The following PLD4 variants were observed in gnomAD, a reference collection of about 807,000 sequenced individuals.
PLD4 encodes the protein phospholipase D family member 4, also known as 5'-3' exonuclease PLD4.
In PLD4, 54 loss-of-function variants were observed where a neutral mutation model predicts 52.3. The observed-to-expected ratio is 1.03, with a 90% CI of 0.83 to 1.30. The LOEUF (loss-of-function observed/expected upper bound fraction) is 1.30, where lower values mean the gene tolerates loss of function less well. PLD4 is among the 50% of genes most tolerant of loss of function. The pLI is 0.00. For synonymous variants in PLD4, 264 were observed against 286.5 expected, an observed-to-expected ratio of 0.92 and a Z score of 0.79; for missense variants, 731 against 671.1, an observed-to-expected ratio of 1.09 and a Z score of -0.99.
chr14:104,930,950 G>A lies in PLD4; in HGVS notation c.918+8G>A, dbSNP rs763491014. ...ACCACTGCCTACTTCTCAGTAAGAC[G>A]GGTTGAGAAGGAGCCCATCAGAGGC... On this transcript the variant is annotated splice_region_variant and intron_variant, in intron 7 of 10. Transcript: ENST00000392593. The A allele has an allele frequency of 7.4e-6, 12 of 1,611,612 alleles. No individual in the cohort carries two copies. The highest frequency in any genetic ancestry group is 5.0e-5 in the Admixed American group (3 of 60,000).
chr14:104,929,878 A>G (rs1897582171), intron 5 of PLD4, 100 bp from the exon 6 acceptor site: 1 of 1,400,892 alleles, frequency 7.1e-7, no homozygotes, highest in Admixed American at 1.9e-5. Flanking sequence ...TTGTGAGGAC[A>G]TCTGAGTCAA....
intron 6 of PLD4, 39 bp from the exon 7 acceptor site, chr14:104,930,703 G>C: frequency 6.2e-7 from 1 of 1,607,594 alleles, no homozygotes; most frequent in Non-Finnish European, 8.5e-7. Context: ...CCCCACAGAG[G>C]GGTTTTTCTC....
Position 104,927,718 on chromosome 14 carries a change from G to A in PLD4, c.136G>A (p.Ala46Thr). The stretch of plus-strand genomic sequence containing the variant: ...GGCTGTGCTGTGGCTGGGCTCCGTG[G>A]CTCTTATCTGCCTCCTGTGGCAAGT... ...ALAVLWLGSV[A>T]LICLLWQVPR... The change falls in exon 3 of 11, where the codon GCT becomes ACT. Residue 46 changes from alanine (A) to threonine (T), a missense_variant. Physicochemically the swap from Ala to Thr is moderately conservative, Grantham distance 58. Transcript: ENST00000392593. The A allele has an allele frequency of 6.3e-7, 1 of 1,597,618 alleles. No individual in the cohort carries two copies. The highest frequency in any genetic ancestry group is 8.5e-7 in the Non-Finnish European group (1 of 1,175,914).
In PLD4 at chr14:104,929,341, T is replaced by A; in HGVS notation, c.503T>A (p.Leu168Gln). The change falls in exon 5 of 11, where the codon CTG becomes CAG. Residue 168 changes from leucine (L) to glutamine (Q), a missense_variant. Transcript: ENST00000392593. Reference sequence around the variant, plus strand: ...CTTCTGCAGAAGCTGCAGCAGCTGCTGGGCAGGAACATTTCCCTGGCTGTG... The same window carrying A: ...CTTCTGCAGAAGCTGCAGCAGCTGCAGGGCAGGAACATTTCCCTGGCTGTG... ...EALLQKLQQLLGRNISLAVAT... is the reference protein window; with the variant it reads ...EALLQKLQQLQGRNISLAVAT... 1 of 1,575,882 alleles carries A rather than the reference T, an allele frequency of 6.3e-7. No homozygotes were observed. The highest frequency in any genetic ancestry group is 8.6e-7 in the Non-Finnish European group (1 of 1,161,140).
At position 104,931,770 on chromosome 14, in the gene PLD4, C is replaced by A; in HGVS notation, c.941C>A (p.Pro314His). The change falls in exon 8 of 11, where the codon CCC becomes CAC. Residue 314 changes from proline (P) to histidine (H), a missense_variant. Physicochemically the swap from Pro to His is moderately conservative, Grantham distance 77 (BLOSUM62 -2). Coordinates refer to ENST00000392593, the MANE Select transcript of PLD4 (RefSeq NM_138790.5). ...YFSASPPALC[P>H]QGRTRDLEAL... is the part of the protein sequence containing the mutation. ...CAGGCGTCGCCACCAGCACTCTGTCCCCAGGGCCGCACCCGGGACCTGGAG... is the reference window on the plus strand; with the variant it reads ...CAGGCGTCGCCACCAGCACTCTGTCACCAGGGCCGCACCCGGGACCTGGAG... The A allele has an allele frequency of 6.3e-7, 1 of 1,588,106 alleles. No individual in the cohort carries two copies. Among genetic ancestry groups the A allele is most frequent in the Admixed American group, 1.8e-5 (1 of 57,036 alleles).
intron 3 of PLD4, among the ~76,000 whole-genome samples, chr14:104,928,353 C>T (rs1353588750): frequency 6.6e-6 from 1 of 152,190 alleles, no homozygotes; most frequent in Non-Finnish European, 1.5e-5. Context: ...CAAGGGCTTC[C>T]ACACCACGAG....
Position 104,932,329 on chromosome 14 carries a change from T to C in PLD4, c.1295T>C (p.Met432Thr). Residue 432 changes from methionine to threonine, a missense_variant, in exon 10 of 11, where the codon ATG becomes ACG. Physicochemically the swap from Met to Thr is moderately conservative, Grantham distance 81 (BLOSUM62 -1). Coordinates refer to ENST00000392593, the MANE Select transcript of PLD4 (RefSeq NM_138790.5). This position sits in a 1 kb window ranked among gnomAD's most constrained non-coding sequence, Gnocchi z 6.5. ...AGCAGGGTGAACCACAGCAAGTTCA[T>C]GGTCACGGAGAAGGCAGCCTACATA... The part of the protein sequence containing the change: ...PFSRVNHSKF[M>T]VTEKAAYIGT... 6.2e-7 allele frequency: 1 copy of C among 1,612,646 alleles called. No individual in the cohort carries two copies. The highest frequency in any genetic ancestry group is 8.5e-7 in the Non-Finnish European group (1 of 1,179,836).
rs942460328 is a variant in PLD4 at position 104,933,065 on chromosome 14, C to G, written c.*101C>G. 59 of 1,334,354 alleles carry G rather than the reference C, an allele frequency of 4.4e-5. No individual in the cohort carries two copies. The African/African-American group carries it at 8.2e-4, about 19-fold the overall frequency. 82.7% of individuals were successfully genotyped at this position (1,334,354 alleles called of 1,614,324 possible). A position where few individuals can be genotyped will look rare whatever the true frequency, so the allele number is the denominator to read the frequency against. On this transcript the variant is annotated 3_prime_UTR_variant, in exon 11 of 11. Coordinates refer to ENST00000392593, the MANE Select transcript of PLD4 (RefSeq NM_138790.5). Reference sequence around the variant, plus strand: ...CTTCCTCCCGCAAGCAGCCCGGGTCCGCACTGCGCCAGGAGCCGCCTGCGA... The same window carrying G: ...CTTCCTCCCGCAAGCAGCCCGGGTCGGCACTGCGCCAGGAGCCGCCTGCGA...
chr14:104,926,114 G>A (rs1167463191), intron 1 of PLD4, among the ~76,000 whole-genome samples: 3 of 152,100 alleles, frequency 2.0e-5, no homozygotes, highest in Non-Finnish European at 2.9e-5. Flanking sequence ...CCGACCCACC[G>A]AGCCCTGGGT....
chr14:104,926,674 A>C (rs1897466492), intron 1 of PLD4, among the ~76,000 whole-genome samples: 1 of 152,218 alleles, frequency 6.6e-6, no homozygotes, highest in Non-Finnish European at 1.5e-5. Context: ...GGCCAGCAAT[A>C]AGAGGACCAA....
At chr14:104,929,046 G>A (rs919943820) in intron 4 of PLD4, 114 bp downstream of exon 4, 9 of 1,361,408 alleles carry the variant, frequency 6.6e-6, no homozygotes, top group Middle Eastern at 2.6e-4. Flanking sequence ...TGGTGGTAGG[G>A]TCTAGCATGG....
intron 2 of PLD4, 142 bp from the exon 3 acceptor site, chr14:104,927,531 T>C: frequency 1.0e-6 from 1 of 953,626 alleles, no homozygotes; most frequent in Non-Finnish European, 1.5e-6. Context: ...CTCTCCCTTG[T>C]CCACCCTAGT....
In PLD4 at chr14:104,930,077, C is replaced by T. The variant is rs577826956; in HGVS notation, c.689C>T (p.Ala230Val). ...VDGRHIYMGS[A>V]NMDWRSLTQV... ...GGACGGCACATATACATGGGCAGTGCCAACATGGACTGGCGGTCTCTGACG... is the reference window on the plus strand; with the variant it reads ...GGACGGCACATATACATGGGCAGTGTCAACATGGACTGGCGGTCTCTGACG... Residue 230 changes from alanine (A) to valine (V), a missense_variant, in exon 6 of 11, where the codon GCC becomes GTC. Physicochemically the swap from Ala to Val is moderately conservative, Grantham distance 64 (BLOSUM62 0). Coordinates refer to ENST00000392593, the MANE Select transcript of PLD4 (RefSeq NM_138790.5). 1 of 1,613,542 alleles carries T rather than the reference C, an allele frequency of 6.2e-7. No homozygotes were observed. The highest frequency in any genetic ancestry group is 1.3e-5 in the African/African-American group (1 of 75,060).
chr14:104,935,074 C>G (rs1481724187), downstream of PLD4: 1 of 152,252 alleles, frequency 6.6e-6, no homozygotes. Context: ...CTTCCTATCC[C>G]TCATTCATGC....
At chr14:104,925,962 C>T (rs552888712) in intron 1 of PLD4, among the ~76,000 whole-genome samples, 2 of 152,160 alleles carry the variant, frequency 1.3e-5, no homozygotes, top group South Asian at 2.1e-4. Flanking sequence ...AGTCCAGGCC[C>T]GACTCCTGTG....
chr14:104,932,102 G>A lies in PLD4; in HGVS notation c.1149G>A (p.Thr383=). 4.3e-6 allele frequency: 7 copies of A among 1,610,854 alleles called. No individual in the cohort carries two copies. Among genetic ancestry groups the A allele is most frequent in the East Asian group, 2.2e-5 (1 of 44,846 alleles). ...VRLLVGCGLN[T]DPTMFPYLRS... Reference sequence around the variant, plus strand: ...TGCTGGTCGGCTGCGGACTCAACACGGACCCCACCATGTTCCCCTACCTGC... The same window carrying A: ...TGCTGGTCGGCTGCGGACTCAACACAGACCCCACCATGTTCCCCTACCTGC... Residue 383 remains threonine (T), a synonymous_variant, in exon 9 of 11, where the codon ACG becomes ACA. Coordinates refer to ENST00000392593, the MANE Select transcript of PLD4 (RefSeq NM_138790.5). This position sits in a 1 kb window ranked among gnomAD's most constrained non-coding sequence, Gnocchi z 6.5.
intron 1 of PLD4, among the ~76,000 whole-genome samples, chr14:104,926,035 C>T (rs1420665893): frequency 6.6e-6 from 1 of 152,202 alleles, no homozygotes; most frequent in Non-Finnish European, 1.5e-5. Flanking sequence ...TCAGCCCTGA[C>T]CCGTGGGAGG....
At chr14:104,927,579 C>T (rs891461795) in intron 2 of PLD4, 94 bp from the exon 3 acceptor site, 33 of 1,353,702 alleles carry the variant, frequency 2.4e-5, no homozygotes, top group South Asian at 1.0e-4. Context: ...GAAGTCAAGA[C>T]GGTCTCTGTC....
At position 104,932,064 on chromosome 14, in the gene PLD4, G is replaced by C; in HGVS notation, c.1111G>C (p.Val371Leu). 1 of 1,608,442 alleles carries C rather than the reference G, an allele frequency of 6.2e-7. No homozygotes were observed. Among genetic ancestry groups the C allele is most frequent in the South Asian group, 1.1e-5 (1 of 90,686 alleles). The change falls in exon 9 of 11, where the codon GTG becomes CTG. Residue 371 changes from valine (V) to leucine (L), a missense_variant. Val to Leu is a conservative substitution (Grantham distance 32). Transcript: ENST00000392593. The surrounding 1 kb of genome is among the most constrained non-coding windows in gnomAD (Gnocchi z 6.5). The stretch of plus-strand genomic sequence containing the variant: ...GCGGGCGGCAGCCTTCGGCAAGGGC[G>C]TGCGCGTGCGCCTGCTGGTCGGCTG... ...ALRAAAFGKGVRVRLLVGCGL... is the reference protein window; with the variant it reads ...ALRAAAFGKGLRVRLLVGCGL...
Sources: allele counts gnomAD v4.1 joint callset (sites outside exome capture counted in the v4.1 genomes callset), GRCh38; gene constraint gnomAD v4.1.1; non-coding constraint Gnocchi (gnomAD v3.1); transcripts MANE v1.5; gene names NCBI Gene and HGNC (gene_info 2026-07-23, HGNC 2026-07-21).